ACOXL: variants seen among roughly 807,000 people sequenced by gnomAD.
ACOXL encodes acyl-coenzyme A oxidase-like protein.
Under a neutral mutation model 71.9 loss-of-function variants are expected in ACOXL, and 70 were observed. The observed-to-expected ratio is 0.97, with a 90% CI of 0.80 to 1.19. The LOEUF is 1.19. Among genes scored for constraint, ACOXL ranks in the 50% most tolerant of loss-of-function variants. The pLI is 0.00. For synonymous variants in ACOXL, 253 were observed against 281.6 expected (o/e 0.90, Z 1.02); for missense variants, 703 against 736.3 (o/e 0.95, Z 0.52).
At chr2:110,927,043 G>A (rs1487012225) in intron 11 of ACOXL, among the ~76,000 whole-genome samples, 5 of 152,178 alleles carry the variant, frequency 3.3e-5, no homozygotes, top group Non-Finnish European at 7.3e-5. Flanking sequence ...AGTTCCACAA[G>A]CCTAACAGGA....
chr2:110,849,648 C>A (rs923650997), intron 10 of ACOXL, among the ~76,000 whole-genome samples: 1 of 152,140 alleles, frequency 6.6e-6, no homozygotes, highest in Non-Finnish European at 1.5e-5. Context: ...ATCCCAGCTA[C>A]TCAAGAGGCT....
intron 3 of ACOXL, among the ~76,000 whole-genome samples, chr2:110,792,860 C>T (rs1202576585): frequency 6.6e-6 from 1 of 152,198 alleles, no homozygotes; most frequent in South Asian, 2.1e-4. Flanking sequence ...GGTTGACTCT[C>T]ACTGAATCCT....
At chr2:110,918,003 A>G (rs751533459) in intron 11 of ACOXL, among the ~76,000 whole-genome samples, 44 of 152,246 alleles carry the variant, frequency 2.9e-4, no homozygotes, top group African/African-American at 4.6e-4. Flanking sequence ...TATAGATTCA[A>G]TGCTATCCCT....
At chr2:111,059,008 G>C (rs1278792966) in intron 16 of ACOXL, among the ~76,000 whole-genome samples, 1 of 152,222 alleles carries the variant, frequency 6.6e-6, no homozygotes, top group African/African-American at 2.4e-5. Context: ...GGGAGGCTGA[G>C]GAAGAAGGAT....
chr2:110,933,477 T>G lies in ACOXL; in HGVS notation c.906-12T>G. 1 of 1,612,142 alleles carries G rather than the reference T, an allele frequency of 6.2e-7. No individual in the cohort carries two copies. The highest frequency in any genetic ancestry group is 8.5e-7 in the Non-Finnish European group (1 of 1,178,826). On this transcript the variant is annotated splice_polypyrimidine_tract_variant and intron_variant, in intron 11 of 17. Coordinates refer to ENST00000439055, the MANE Select transcript of ACOXL (RefSeq NM_001142807.4). The stretch of plus-strand genomic sequence containing the variant: ...CGCCACTTCCATCACACATGTCTGC[T>G]TTGTCCTGCAGGTATGCTGGGGCCC...
At chr2:110,877,448 G>A (rs564406364) in intron 10 of ACOXL, among the ~76,000 whole-genome samples, 1 of 152,330 alleles carries the variant, frequency 6.6e-6, no homozygotes, top group African/African-American at 2.4e-5. Context: ...CTTAATTTAT[G>A]TTGGTTTAAC....
intron 10 of ACOXL, among the ~76,000 whole-genome samples, chr2:110,864,752 G>A (rs1311982069): frequency 6.6e-6 from 1 of 152,192 alleles, no homozygotes; most frequent in Non-Finnish European, 1.5e-5. Context: ...TTCACTAACT[G>A]TAATACAGTC....
chr2:110,906,431 C>T (rs1048559303), intron 10 of ACOXL, among the ~76,000 whole-genome samples: 1 of 150,054 alleles, frequency 6.7e-6, no homozygotes, highest in Non-Finnish European at 1.5e-5. Flanking sequence ...CCCAGCTACT[C>T]GGGAGGCTGA....
rs72832830 is a variant in ACOXL at position 110,802,421 on chromosome 2, G to A, written c.620+697G>A. On this transcript the variant is annotated intron_variant, in intron 8 of 17. Coordinates refer to ENST00000439055, the MANE Select transcript of ACOXL (RefSeq NM_001142807.4). ...CATCCAGTAAAGATCCTGAGCCATA[G>A]TCATGTTAAATCTGTGACAAAGCCA... Among the ~76,000 whole-genome samples the A allele has an allele frequency of 6.1e-3, 935 of 152,328 alleles. 4 individuals carry two copies. The highest frequency in any genetic ancestry group is 0.011 in the Non-Finnish European group (741 of 68,030).
chr2:111,059,404 G>T (rs564860618), intron 16 of ACOXL, among the ~76,000 whole-genome samples: 1 of 152,274 alleles, frequency 6.6e-6, no homozygotes, highest in Admixed American at 6.5e-5. Context: ...TCAATATCAG[G>T]ATTAAGATTT....
chr2:110,918,301 A>G (rs1209245904), intron 11 of ACOXL, among the ~76,000 whole-genome samples: 1 of 152,224 alleles, frequency 6.6e-6, no homozygotes, highest in Non-Finnish European at 1.5e-5. Context: ...AAAAACAAGC[A>G]ATAGGAAAAG....
chr2:110,736,865 C>G (rs1222189158), intron 1 of ACOXL, among the ~76,000 whole-genome samples: 1 of 152,136 alleles, frequency 6.6e-6, no homozygotes, highest in Admixed American at 6.5e-5. Context: ...CATGATCTGC[C>G]CGCCTCGGCC....
At chr2:110,949,277 C>T (rs938055302) in intron 12 of ACOXL, among the ~76,000 whole-genome samples, 6 of 152,106 alleles carry the variant, frequency 3.9e-5, no homozygotes, top group African/African-American at 1.4e-4. Flanking sequence ...GTCAGTAAGG[C>T]CCCCTAGTAG....
intron 12 of ACOXL, among the ~76,000 whole-genome samples, chr2:110,962,278 C>T (rs974627512): frequency 3.9e-5 from 6 of 152,338 alleles, no homozygotes; most frequent in African/African-American, 7.2e-5. Flanking sequence ...AATCACTCTG[C>T]GGCAGGACCG....
intron 17 of ACOXL, chr2:111,098,352 A>G (rs13032482): frequency 4.6e-5 from 7 of 152,228 alleles, no homozygotes; most frequent in African/African-American, 1.4e-4. Flanking sequence ...AATGTTTTTT[A>G]AAAAGTTTAT....
intron 14 of ACOXL, among the ~76,000 whole-genome samples, chr2:111,031,371 G>A (rs1352094515): frequency 2.0e-5 from 3 of 152,116 alleles, no homozygotes; most frequent in African/African-American, 4.8e-5. Context: ...TCCCCTTCAC[G>A]TGTTTCTCTA....
Position 110,768,353 on chromosome 2 carries a change from A to G in ACOXL, c.-22-15A>G. On this transcript the variant is annotated splice_polypyrimidine_tract_variant and intron_variant, in intron 1 of 17. Coordinates refer to ENST00000439055, the MANE Select transcript of ACOXL (RefSeq NM_001142807.4). ...CCAATTATTGGCTGTCTTATTTTGTATCTGTTCTTCACAGGTATGATTTAA... is the reference window on the plus strand; with the variant it reads ...CCAATTATTGGCTGTCTTATTTTGTGTCTGTTCTTCACAGGTATGATTTAA... The G allele has an allele frequency of 3.7e-6, 6 of 1,608,560 alleles. No individual in the cohort carries two copies. Among genetic ancestry groups the G allele is most frequent in the South Asian group, 1.1e-5 (1 of 90,750 alleles).
intron 17 of ACOXL, among the ~76,000 whole-genome samples, chr2:111,110,753 T>C (rs1288335373): frequency 6.6e-6 from 1 of 152,244 alleles, no homozygotes; most frequent in African/African-American, 2.4e-5. Context: ...GTATAGTGCT[T>C]TTCAGTAGCC....
rs1181418808 is a variant in ACOXL at position 110,962,971 on chromosome 2, G to GGCTTT, written c.1060-24132_1060-24128dup. On this transcript the variant is annotated intron_variant, in intron 12 of 17. Transcript: ENST00000439055. ...AGGACCTGGGACCCACACAAAGACA[G>GGCTTT]GCTTTGCTTCTTTCATGTTTTACTT... 5.3e-5 allele frequency among the ~76,000 whole-genome samples: 8 copies of GGCTTT among 152,286 alleles called. No homozygotes were observed. In the East Asian group the frequency reaches 1.5e-3, roughly 29 times the overall value.
Sources: gnomAD v4.1 joint callset for allele counts (sites outside exome capture counted in the v4.1 genomes callset) on GRCh38, gnomAD v4.1.1 for gene constraint, MANE v1.5 for transcripts, NCBI Gene and HGNC (gene_info 2026-07-23, HGNC 2026-07-21) for gene names.